Variants in TAF1 observed in about 807,000 individuals in gnomAD.
TAF1 encodes the protein transcription initiation factor TFIID subunit 1.
A neutral mutation model predicts 138.5 loss-of-function variants in TAF1; 2 were observed. The observed-to-expected ratio is 0.01, with a 90% confidence interval of 0.01 to 0.05. The LOEUF (loss-of-function observed/expected upper bound fraction) is 0.05, where lower values mean the gene tolerates loss of function less well. Among genes scored for constraint, TAF1 ranks in the 10% least tolerant of loss-of-function variants. TAF1 has a pLI of 1.00. For missense variants in TAF1, 709 were observed against 1,478.0 expected (o/e 0.48, Z 8.53); for synonymous variants, 437 against 503.2 (o/e 0.87, Z 1.76).
chrX:71,508,967 C>A (rs1469170786), intron 13 of TAF1, among the ~76,000 whole-genome samples: 1 of 108,786 alleles, frequency 9.2e-6, no homozygotes, highest in Non-Finnish European at 1.9e-5. Flanking sequence ...CCACCACAGC[C>A]AATTAAATTT....
chrX:71,380,414 T>G (rs1037844937), intron 8 of TAF1, among the ~76,000 whole-genome samples: 2 of 110,933 alleles, frequency 1.8e-5, no homozygotes, highest in Non-Finnish European at 3.8e-5. Flanking sequence ...CATGGGAAAC[T>G]CGTTCATTTT....
intron 34 of TAF1, among the ~76,000 whole-genome samples, chrX:71,456,376 AG>A (rs1012814957): frequency 2.7e-5 from 3 of 111,753 alleles, no homozygotes; most frequent in Non-Finnish European, 5.6e-5. Flanking sequence ...GAGTAGGATT[AG>A]ATAGTACTGC....
At position 71,388,681 on chromosome X, in the gene TAF1, T is replaced by TA. The variant is rs1319826187; in HGVS notation, c.2570-56dup. 8 of 1,200,599 alleles carry TA rather than the reference T, an allele frequency of 6.7e-6. No individual in the cohort carries two copies. The African/African-American group carries it at 1.4e-4, about 21-fold the overall frequency. ...TGCTGTCCCTGTTGCTGTCAATAAA[T>TA]ATCAGGGCCTTTGGAATTCAGAATG... On this transcript the variant is annotated intron_variant, in intron 16 of 37. Transcript: ENST00000423759.
At chrX:71,520,301 G>A (rs1034689500) in intron 13 of TAF1, among the ~76,000 whole-genome samples, 1 of 109,175 alleles carries the variant, frequency 9.2e-6, no homozygotes, top group African/African-American at 3.3e-5. Flanking sequence ...CCGCCACCAT[G>A]CCCGGCTAAT....
intron 4 of TAF1, 76 bp downstream of exon 4, chrX:71,375,362 G>A: frequency 9.0e-7 from 1 of 1,115,541 alleles, no homozygotes; most frequent in Non-Finnish European, 1.2e-6. Flanking sequence ...ACACACATAA[G>A]GGACAAACTT....
chrX:71,485,397 A>G (rs1404839976), intron 13 of TAF1, among the ~76,000 whole-genome samples: 1 of 111,751 alleles, frequency 8.9e-6, no homozygotes, highest in Non-Finnish European at 1.9e-5. Flanking sequence ...CTTTTTGAGG[A>G]GCTGCCAAGC....
chrX:71,404,919 A>T (rs1295855395), intron 25 of TAF1, among the ~76,000 whole-genome samples: 1 of 103,247 alleles, frequency 9.7e-6, no homozygotes, highest in African/African-American at 3.5e-5. Context: ...CTTGGACTAC[A>T]TGCCACTGAG....
intron 32 of TAF1, among the ~76,000 whole-genome samples, chrX:71,439,701 T>C (rs565664684): frequency 8.9e-6 from 1 of 111,833 alleles, no homozygotes; most frequent in African/African-American, 3.2e-5. Context: ...AAAAAGAAAA[T>C]TACATGTAGG....
chrX:71,456,694 A>G (rs1327709125), intron 34 of TAF1, among the ~76,000 whole-genome samples: 10 of 19,019 alleles, frequency 5.3e-4, no homozygotes, highest in African/African-American at 2.4e-3. Context: ...TTTTTTTTTG[A>G]GACCGAGTTT....
chrX:71,467,294 C>CTT (rs1412753604), downstream of TAF1, among the ~76,000 whole-genome samples: 19 of 109,378 alleles, frequency 1.7e-4, no homozygotes, highest in Admixed American at 1.2e-3. Flanking sequence ...GGTGATGACT[C>CTT]AACGAGCATG....
In TAF1 at chrX:71,388,107, G is replaced by A. The variant is rs997089931; in HGVS notation, c.2428-130G>A. ...AGAGCGAGACTCCGTCTCAGAAAAA[G>A]TAGGCTGTGTGGGTTTGGGAGCACA... On this transcript the variant is annotated intron_variant, in intron 15 of 37. Coordinates refer to ENST00000423759, the MANE Select transcript of TAF1 (RefSeq NM_004606.5). 49 of 959,486 alleles carry A rather than the reference G, an allele frequency of 5.1e-5. No homozygotes were observed. In the Admixed American group the frequency reaches 1.1e-3, roughly 21 times the overall value. 79.1% of individuals were successfully genotyped at this position (959,486 alleles called of 1,213,427 possible).
intron 37 of TAF1, among the ~76,000 whole-genome samples, chrX:71,461,689 A>G (rs180756909): frequency 1.8e-5 from 2 of 112,249 alleles, no homozygotes; most frequent in African/African-American, 6.5e-5. Flanking sequence ...ATTGTAAACA[A>G]ATTAATTTTT....
In TAF1 at chrX:71,377,723, G is replaced by C. The variant is rs770996786; in HGVS notation, c.835G>C (p.Val279Leu). Residue 279 changes from valine (V) to leucine (L), a missense_variant, in exon 6 of 38, where the codon GTG becomes CTG. Val to Leu is a conservative substitution (Grantham distance 32). This residue lies in a region of TAF1 where 26 missense variants were observed against 20.9 expected (regional missense o/e 1.25). Coordinates refer to ENST00000423759, the MANE Select transcript of TAF1 (RefSeq NM_004606.5). ...GATACAGGAAGAGCAGATCCAGGAG[G>C]TGGAGTGCTCAGTAGAATCAGAAGT... The part of the protein sequence containing the change: ...ELIQEEQIQE[V>L]ECSVESEVSQ... 5.8e-6 allele frequency: 7 copies of C among 1,209,856 alleles called. No individual in the cohort carries two copies. Among genetic ancestry groups the C allele is most frequent in the African/African-American group, 5.3e-5 (3 of 57,118 alleles).
chrX:71,371,785 C>CT (rs754175313), intron 3 of TAF1, among the ~76,000 whole-genome samples: 1 of 111,701 alleles, frequency 9.0e-6, no homozygotes, highest in Non-Finnish European at 1.9e-5. Context: ...TGCTGAATCT[C>CT]TGAGGCTTGG....
At chrX:71,506,451 G>A (rs1193897977) in intron 13 of TAF1, among the ~76,000 whole-genome samples, 8 of 106,621 alleles carry the variant, frequency 7.5e-5, no homozygotes, top group Admixed American at 1.0e-4. Context: ...TTGGGAGGCC[G>A]ACATGGGCGG....
At chrX:71,395,745 G>C (rs1276994960) in intron 22 of TAF1, among the ~76,000 whole-genome samples, 2 of 111,401 alleles carry the variant, frequency 1.8e-5, no homozygotes, top group Non-Finnish European at 3.8e-5. Flanking sequence ...ATGTGATATA[G>C]CCCTTCCACC....
At chrX:71,445,911 C>G (rs1203964851) in intron 32 of TAF1, among the ~76,000 whole-genome samples, 2 of 107,916 alleles carry the variant, frequency 1.9e-5, no homozygotes, top group Non-Finnish European at 3.8e-5. Context: ...GACAGTTGTT[C>G]ACTATTTTTT....
At position 71,465,902 on chromosome X, in the gene TAF1, G is replaced by A. The variant is rs1859671175; in HGVS notation, c.*1856G>A. 8.9e-6 allele frequency: 1 copy of A among 112,206 alleles called. No individual in the cohort carries two copies. Among genetic ancestry groups the A allele is most frequent in the African/African-American group, 3.2e-5 (1 of 30,921 alleles). The allele number at this position is 112,206 out of a possible 1,213,427, so 9.2% of individuals were successfully genotyped here. ...GGATTGGAGGGGAGGGGGCTTCTGT[G>A]TTTGTTATGTATGCTGGGTGGGATA... On this transcript the variant is annotated 3_prime_UTR_variant, in exon 38 of 38. Coordinates refer to ENST00000423759, the MANE Select transcript of TAF1 (RefSeq NM_004606.5).
At chrX:71,424,686 G>A (rs1472519977) in intron 32 of TAF1, among the ~76,000 whole-genome samples, 1 of 112,014 alleles carries the variant, frequency 8.9e-6, no homozygotes, top group Non-Finnish European at 1.9e-5. Flanking sequence ...GCAATGGCAC[G>A]ATCTCGGCTC....
Sources: gnomAD v4.1 joint callset for allele counts (sites outside exome capture counted in the v4.1 genomes callset) on GRCh38, gnomAD v4.1.1 for gene constraint, gnomAD v4.1.1 regional missense constraint, MANE v1.5 for transcripts, NCBI Gene and HGNC (gene_info 2026-07-23, HGNC 2026-07-21) for gene names.